Variants in SPTLC1 observed in about 807,000 individuals in gnomAD.
SPTLC1 encodes serine palmitoyltransferase 1.
A neutral mutation model predicts 68.9 loss-of-function variants in SPTLC1; 55 were observed. The observed-to-expected ratio is 0.80, with a 90% CI of 0.64 to 1.00. The LOEUF (loss-of-function observed/expected upper bound fraction) is 1.00. Among genes scored for constraint, SPTLC1 ranks in the 50% least tolerant of loss-of-function variants. The pLI is 0.00. For synonymous variants in SPTLC1, 197 were observed against 201.6 expected, an observed-to-expected ratio of 0.98 and a Z score of 0.19; for missense variants, 449 against 573.1, an observed-to-expected ratio of 0.78 and a Z score of 2.21.
At chr9:92,093,493 A>G (rs148229632) in intron 3 of SPTLC1, among the ~76,000 whole-genome samples, 18 of 152,322 alleles carry the variant, frequency 1.2e-4, no homozygotes, top group African/African-American at 3.8e-4. Flanking sequence ...ACGTCTGAGA[A>G]GAGTCACACT....
At chr9:92,105,341 C>A in intron 3 of SPTLC1, 3 of 1,517,460 alleles carry the variant, frequency 2.0e-6, no homozygotes, top group Non-Finnish European at 2.7e-6. Context: ...GGGCAACATG[C>A]GTAAGAACAT....
At chr9:92,046,497 G>C (rs72748323) in intron 11 of SPTLC1, among the ~76,000 whole-genome samples, 21,803 of 152,166 alleles carry the variant, frequency 0.14, 1,950 homozygotes, top group Non-Finnish European at 0.2. Flanking sequence ...AGGTAGGCGT[G>C]CCAGGCCATC....
intron 12 of SPTLC1, among the ~76,000 whole-genome samples, chr9:92,044,022 G>C (rs1040939773): frequency 8.5e-5 from 13 of 152,120 alleles, no homozygotes; most frequent in African/African-American, 2.9e-4. Flanking sequence ...ATACCAGCAC[G>C]GTTTGCCCCT....
At chr9:92,106,690 T>C (rs142905491) in intron 3 of SPTLC1, among the ~76,000 whole-genome samples, 1,724 of 152,112 alleles carry the variant, frequency 0.011, 40 homozygotes, top group African/African-American at 0.039. Flanking sequence ...TAAAATTTGA[T>C]ATCCATAATT....
At chr9:92,053,312 A>G (rs7852067) in intron 8 of SPTLC1, among the ~76,000 whole-genome samples, 38,035 of 152,122 alleles carry the variant, frequency 0.25, 6,766 homozygotes, top group African/African-American at 0.5. Context: ...TATAGCTGAT[A>G]GGAATGTAAA....
chr9:92,067,554 G>A (rs1024723678), intron 6 of SPTLC1, among the ~76,000 whole-genome samples: 1 of 152,112 alleles, frequency 6.6e-6, no homozygotes, highest in Non-Finnish European at 1.5e-5. Flanking sequence ...TCCAAGTCAC[G>A]GCTCCTCTAT....
At chr9:92,051,331 A>G in intron 8 of SPTLC1, 2 of 846,738 alleles carry the variant, frequency 2.4e-6, no homozygotes, top group Non-Finnish European at 2.8e-6. Flanking sequence ...AAAATCAAAT[A>G]TGTATTACAT....
chr9:92,090,436 C>T (rs1313397590), intron 3 of SPTLC1, among the ~76,000 whole-genome samples: 1 of 152,102 alleles, frequency 6.6e-6, no homozygotes, highest in Non-Finnish European at 1.5e-5. Context: ...TGGTGAAACC[C>T]TGTCTCTACT....
chr9:92,053,980 C>T (rs1833795873), intron 8 of SPTLC1: 1 of 985,380 alleles, frequency 1.0e-6, no homozygotes, highest in Non-Finnish European at 1.2e-6. Flanking sequence ...GCTGCTTTCA[C>T]TATTAAAAAG....
chr9:92,080,742 G>A (rs1485494241), intron 4 of SPTLC1, 128 bp downstream of exon 4: 4 of 752,828 alleles, frequency 5.3e-6, no homozygotes, highest in African/African-American at 5.2e-5. Context: ...GTTTCACCAT[G>A]TTGGCCAGGC....
intron 1 of SPTLC1, among the ~76,000 whole-genome samples, chr9:92,113,445 A>G (rs1425781436): frequency 6.6e-6 from 1 of 152,248 alleles, no homozygotes. Flanking sequence ...GAATTAATAA[A>G]AATCACAAAC....
chr9:92,083,277 G>A (rs1425419634), intron 3 of SPTLC1, among the ~76,000 whole-genome samples: 1 of 152,084 alleles, frequency 6.6e-6, no homozygotes, highest in East Asian at 1.9e-4. Context: ...GGCTTTTGTT[G>A]CCATTACTTT....
chr9:92,046,767 AG>A (rs1481620423), intron 11 of SPTLC1, among the ~76,000 whole-genome samples: 1 of 152,258 alleles, frequency 6.6e-6, no homozygotes, highest in Non-Finnish European at 1.5e-5. Flanking sequence ...CAAAGGCTAA[AG>A]GTGAAAACTC....
intron 8 of SPTLC1, among the ~76,000 whole-genome samples, chr9:92,052,072 T>G (rs906601086): frequency 1.3e-5 from 2 of 152,188 alleles, no homozygotes; most frequent in South Asian, 2.1e-4. Context: ...CAACAATACT[T>G]TTTACAGAAA....
chr9:92,101,113 G>T (rs1835732327), intron 3 of SPTLC1, among the ~76,000 whole-genome samples: 1 of 151,960 alleles, frequency 6.6e-6, no homozygotes, highest in South Asian at 2.1e-4. Flanking sequence ...TAAATAAATG[G>T]AAATTTTCAA....
chr9:92,094,387 T>C (rs183170415), intron 3 of SPTLC1, among the ~76,000 whole-genome samples: 117 of 152,360 alleles, frequency 7.7e-4, no homozygotes, highest in African/African-American at 2.7e-3. Flanking sequence ...AGGTCTATTA[T>C]ACATTCTTAG....
intron 3 of SPTLC1, among the ~76,000 whole-genome samples, chr9:92,081,202 G>C (rs1288856360): frequency 6.6e-6 from 1 of 152,084 alleles, no homozygotes; most frequent in Non-Finnish European, 1.5e-5. Flanking sequence ...AGAAAAATAA[G>C]CTAGAATTCC....
intron 9 of SPTLC1, among the ~76,000 whole-genome samples, chr9:92,049,735 C>A (rs1346162110): frequency 6.6e-6 from 1 of 152,170 alleles, no homozygotes; most frequent in Non-Finnish European, 1.5e-5. Context: ...AGAGCACAAA[C>A]CATGACTACC....
rs143754785 is a variant in SPTLC1 at position 92,034,850 on chromosome 9, G to A, written c.1288C>T (p.Arg430Cys). 2.5e-5 allele frequency: 40 copies of A among 1,614,002 alleles called. No individual in the cohort carries two copies. The South Asian group carries it at 2.5e-4, about 10-fold the overall frequency. ...MNRSIALTQA[R>C]YLEKEEKCLP... ...CACTTCTCTTCTTTCTCCAAGTAGC[G>A]CGCCTGAGTTAATGCAATACTTCTG... The change falls in exon 14 of 15, where the codon CGC (arginine) becomes TGC (cysteine). Residue 430 changes from arginine (R) to cysteine (C), a missense_variant. This residue lies in a region of SPTLC1 where 391 missense variants were observed against 472.1 expected (regional missense o/e 0.83). Coordinates refer to ENST00000262554, the MANE Select transcript of SPTLC1 (RefSeq NM_006415.4).
Sources: gnomAD v4.1 joint callset for allele counts (sites outside exome capture counted in the v4.1 genomes callset) on GRCh38, gnomAD v4.1.1 for gene constraint, gnomAD v4.1.1 regional missense constraint, MANE v1.5 for transcripts, NCBI Gene and HGNC (gene_info 2026-07-23, HGNC 2026-07-21) for gene names.